AKAP7: variants seen among roughly 807,000 people sequenced by gnomAD.
AKAP7 encodes the protein A-kinase anchoring protein 7, also known as A kinase (PRKA) anchor protein 7.
AKAP7 carries 39 observed loss-of-function variants against 39.5 expected under a neutral mutation model. The observed-to-expected ratio is 0.99, with a 90% CI of 0.76 to 1.29. The LOEUF is 1.29. AKAP7 is among the 50% of genes most tolerant of loss of function. The pLI is 0.00. For missense variants in AKAP7, 414 were observed against 407.7 expected (o/e 1.02, Z -0.13); for synonymous variants, 140 against 139.1 (o/e 1.01, Z -0.05).
At chr6:131,241,619 G>GTATACGTATATA (rs1562238108) in intron 7 of AKAP7, among the ~76,000 whole-genome samples, 22 of 71,042 alleles carry the variant, frequency 3.1e-4, no homozygotes, top group African/African-American at 1.0e-3. Context: ...GTGTGTGTGT[G>GTATACGTATATA]TGTGTGTGTA....
chr6:131,146,580 A>G (rs961300283), intron 2 of AKAP7, among the ~76,000 whole-genome samples: 3 of 152,218 alleles, frequency 2.0e-5, no homozygotes, highest in African/African-American at 7.2e-5. Flanking sequence ...GTGGGGAGGA[A>G]AATAAGGAAA....
chr6:131,150,915 TTC>T (rs937634636), intron 2 of AKAP7, among the ~76,000 whole-genome samples: 1 of 152,242 alleles, frequency 6.6e-6, no homozygotes, highest in Non-Finnish European at 1.5e-5. Context: ...ACCAGGTTTT[TTC>T]TTACATATAT....
chr6:131,182,904 C>G (rs1186098035), intron 5 of AKAP7, among the ~76,000 whole-genome samples: 2 of 151,572 alleles, frequency 1.3e-5, no homozygotes, highest in Non-Finnish European at 2.9e-5. Flanking sequence ...ATTTATGTAA[C>G]TAATTAAAAC....
intron 7 of AKAP7, among the ~76,000 whole-genome samples, chr6:131,224,686 CAGTT>C (rs945804231): frequency 1.4e-5 from 2 of 142,134 alleles, no homozygotes; most frequent in African/African-American, 5.3e-5. Context: ...AAAAAAAAAT[CAGTT>C]AGTATATATG....
Position 131,281,975 on chromosome 6 carries a change from C to T in AKAP7, c.*249C>T. On this transcript the variant is annotated 3_prime_UTR_variant, in exon 8 of 8. Coordinates refer to ENST00000431975, the MANE Select transcript of AKAP7 (RefSeq NM_016377.4). This position sits in a 1 kb window ranked among gnomAD's most constrained non-coding sequence, Gnocchi z 4.0. ...TGGCCCAAGTTTCATTCGCCCTCAG[C>T]CACGCACAAGGGAAAGGGAACTTTG... 8.4e-7 allele frequency: 1 copy of T among 1,194,854 alleles called. No homozygotes were observed. The highest frequency in any genetic ancestry group is 3.9e-5 in the South Asian group (1 of 25,776). The allele number at this position is 1,194,854 out of a possible 1,614,324, so 74.0% of individuals were successfully genotyped here.
rs1365133419 is a variant in AKAP7, at chr6:131,281,148, G to A, written c.851-382G>A. On this transcript the variant is annotated intron_variant, in intron 7 of 7. Coordinates refer to ENST00000431975, the MANE Select transcript of AKAP7 (RefSeq NM_016377.4). The surrounding 1 kb of genome is among the most constrained non-coding windows in gnomAD (Gnocchi z 4.0). ...CTTGATGACCTGATATTTGATATTC[G>A]AGAATGAGAAGCAGACATAGGCCTA... 1.3e-5 allele frequency among the ~76,000 whole-genome samples: 2 copies of A among 152,150 alleles called. No homozygotes were observed. Among genetic ancestry groups the A allele is most frequent in the Non-Finnish European group, 2.9e-5 (2 of 68,020 alleles).
chr6:131,232,323 A>G (rs566296546), intron 7 of AKAP7, among the ~76,000 whole-genome samples: 21 of 152,362 alleles, frequency 1.4e-4, no homozygotes, highest in Admixed American at 5.2e-4. Context: ...CCAAATAAAC[A>G]GGAAAAATAA....
At chr6:131,250,757 G>A in intron 7 of AKAP7, 2 of 773,072 alleles carry the variant, frequency 2.6e-6, no homozygotes, top group Admixed American at 4.8e-5. Context: ...TTTCTTAAAG[G>A]GACTGGTAGG....
the AKAP7 span, among the ~76,000 whole-genome samples, chr6:131,126,093 A>G: frequency 6.6e-6 from 1 of 152,238 alleles, no homozygotes; most frequent in Non-Finnish European, 1.5e-5. Context: ...TTAAATAAGT[A>G]GTCACTTTAA....
At chr6:131,207,517 T>TTTTTTTTTTTTTTTTTTTTTTA (rs1367120493) in intron 6 of AKAP7, among the ~76,000 whole-genome samples, 5 of 141,564 alleles carry the variant, frequency 3.5e-5, no homozygotes, top group African/African-American at 1.4e-4. Context: ...TTTTTTTTTT[T>TTTTTTTTTTTTTTTTTTTTTTA]AGATATGGGG....
At chr6:131,134,918 A>T (rs1800418635), upstream of AKAP7, among the ~76,000 whole-genome samples, 2 of 152,210 alleles carry the variant, frequency 1.3e-5, no homozygotes. Flanking sequence ...TTATTTTTTT[A>T]AACTAAGTAA....
chr6:131,272,372 C>T (rs1360289264), intron 7 of AKAP7, among the ~76,000 whole-genome samples: 1 of 151,902 alleles, frequency 6.6e-6, no homozygotes, highest in African/African-American at 2.4e-5. Context: ...ATTTCATTCT[C>T]CTACTATTTT....
At chr6:131,230,931 A>G (rs1284248359) in intron 7 of AKAP7, among the ~76,000 whole-genome samples, 2 of 152,202 alleles carry the variant, frequency 1.3e-5, no homozygotes, top group Non-Finnish European at 2.9e-5. Flanking sequence ...CACATAAACT[A>G]AAGCTCTAGG....
intron 7 of AKAP7, among the ~76,000 whole-genome samples, chr6:131,267,926 T>C (rs1304338777): frequency 6.6e-6 from 1 of 152,184 alleles, no homozygotes; most frequent in Non-Finnish European, 1.5e-5. Flanking sequence ...TCAGATTCAT[T>C]TCTGTATTTA....
intron 4 of AKAP7, among the ~76,000 whole-genome samples, chr6:131,167,917 A>G (rs1162148410): frequency 1.3e-5 from 2 of 152,170 alleles, no homozygotes; most frequent in Non-Finnish European, 2.9e-5. Flanking sequence ...ACGAATAGCA[A>G]TCCACTGGAA....
At chr6:131,148,451 C>G (rs1322266114) in intron 2 of AKAP7, among the ~76,000 whole-genome samples, 2 of 121,608 alleles carry the variant, frequency 1.6e-5, no homozygotes, top group Non-Finnish European at 3.4e-5. Flanking sequence ...ACCTTTGACA[C>G]TTAAAGTGTG....
At chr6:131,217,612 A>G (rs564306765) in intron 6 of AKAP7, among the ~76,000 whole-genome samples, 1 of 152,284 alleles carries the variant, frequency 6.6e-6, no homozygotes, top group South Asian at 2.1e-4. Flanking sequence ...TTCACTTGCT[A>G]GTAAAAATTA....
At chr6:131,141,848 T>G (rs1213369554) in intron 1 of AKAP7, among the ~76,000 whole-genome samples, 1 of 152,128 alleles carries the variant, frequency 6.6e-6, no homozygotes, top group Non-Finnish European at 1.5e-5. Context: ...AAGTTTGAAC[T>G]TAGAAGTGAT....
intron 5 of AKAP7, among the ~76,000 whole-genome samples, chr6:131,195,679 C>G (rs773874604): frequency 1.1e-4 from 17 of 152,098 alleles, no homozygotes; most frequent in Non-Finnish European, 2.1e-4. Flanking sequence ...GTCTTTATTT[C>G]TCTTTCATGT....
Sources: allele counts gnomAD v4.1 joint callset (sites outside exome capture counted in the v4.1 genomes callset), GRCh38; gene constraint gnomAD v4.1.1; non-coding constraint Gnocchi (gnomAD v3.1); transcripts MANE v1.5; gene names NCBI Gene and HGNC (gene_info 2026-07-23, HGNC 2026-07-21).